The following DKK2 variants were observed in gnomAD, a reference collection of about 807,000 sequenced individuals.
The protein encoded by DKK2 is dickkopf-related protein 2.
In DKK2, 11 loss-of-function variants were observed where a neutral mutation model predicts 28.1. That is an observed-to-expected ratio of 0.39 (90% CI 0.25 to 0.65). The LOEUF (loss-of-function observed/expected upper bound fraction) is 0.65. DKK2 is among the 30% of genes least tolerant of loss of function. The pLI is 0.47. For synonymous variants in DKK2, 135 were observed against 126.5 expected (o/e 1.07, Z -0.45); for missense variants, 326 against 335.5 (o/e 0.97, Z 0.22).
chr4:107,019,884 G>A (rs906574147), intron 1 of DKK2, among the ~76,000 whole-genome samples: 2 of 151,878 alleles, frequency 1.3e-5, no homozygotes, highest in African/African-American at 4.8e-5. Flanking sequence ...TGAATTATGT[G>A]TTCAGTGCTT....
chr4:107,000,864 C>T lies in DKK2; in HGVS notation c.222+34506G>A, dbSNP rs911977318. Among the ~76,000 whole-genome samples the T allele has an allele frequency of 5.9e-5, 9 of 152,168 alleles. 1 individual carries two copies. The highest frequency in any genetic ancestry group is 5.9e-4 in the Admixed American group (9 of 15,300). Reference sequence around the variant, plus strand: ...TACAACTAGGAAGTTTAGGTCCCTACCCTCAGAACTCATAAGAGTTGAGAC... The same window carrying T: ...TACAACTAGGAAGTTTAGGTCCCTATCCTCAGAACTCATAAGAGTTGAGAC... On this transcript the variant is annotated intron_variant, in intron 1 of 3. Transcript: ENST00000285311.
At chr4:106,926,731 G>A (rs1439803099) in intron 1 of DKK2, among the ~76,000 whole-genome samples, 1 of 151,988 alleles carries the variant, frequency 6.6e-6, no homozygotes, top group Non-Finnish European at 1.5e-5. Flanking sequence ...CTCTACCTAG[G>A]GGTATGTCCA....
At chr4:107,033,014 AG>A (rs1723897751) in intron 1 of DKK2, among the ~76,000 whole-genome samples, 1 of 152,198 alleles carries the variant, frequency 6.6e-6, no homozygotes, top group African/African-American at 2.4e-5. Context: ...AAGTATCCAA[AG>A]AATTATTCTT....
At chr4:107,031,295 G>GA (rs1285034185) in intron 1 of DKK2, among the ~76,000 whole-genome samples, 11 of 151,518 alleles carry the variant, frequency 7.3e-5, no homozygotes, top group African/African-American at 1.2e-4. Flanking sequence ...GCTGAGGTTA[G>GA]AAAAAAAAGT....
At position 107,035,723 on chromosome 4, in the gene DKK2, T is replaced by A; in HGVS notation, c.-132A>T. ...CAGATTGTGTTCCCTCAACCCTTCCTGGTTCGGGGACCCAGGACCCTATGA... is the reference window on the plus strand; with the variant it reads ...CAGATTGTGTTCCCTCAACCCTTCCAGGTTCGGGGACCCAGGACCCTATGA... On this transcript the variant is annotated 5_prime_UTR_variant, in exon 1 of 4. Transcript: ENST00000285311. The A allele has an allele frequency of 1.1e-6, 1 of 880,322 alleles. No homozygotes were observed. The highest frequency in any genetic ancestry group is 1.6e-5 in the South Asian group (1 of 61,620). 54.5% of individuals were successfully genotyped at this position (880,322 alleles called of 1,614,324 possible).
At chr4:106,969,178 G>T (rs1722825231) in intron 1 of DKK2, among the ~76,000 whole-genome samples, 1 of 151,666 alleles carries the variant, frequency 6.6e-6, no homozygotes, top group Non-Finnish European at 1.5e-5. Flanking sequence ...TTGATGCTGG[G>T]CTTCCTTTGC....
At chr4:106,960,380 A>G (rs993123223) in intron 1 of DKK2, among the ~76,000 whole-genome samples, 19 of 152,074 alleles carry the variant, frequency 1.2e-4, no homozygotes, top group African/African-American at 2.2e-4. Context: ...TGAGTAGACA[A>G]AGGCATACAG....
At chr4:107,023,490 T>C (rs1723725873) in intron 1 of DKK2, among the ~76,000 whole-genome samples, 2 of 151,972 alleles carry the variant, frequency 1.3e-5, no homozygotes, top group African/African-American at 2.4e-5. Flanking sequence ...AGAGGAGGAA[T>C]GGGTAAATAG....
At chr4:106,964,970 T>C (rs147943690) in intron 1 of DKK2, among the ~76,000 whole-genome samples, 17 of 147,214 alleles carry the variant, frequency 1.2e-4, no homozygotes, top group Admixed American at 3.4e-4. Context: ...TATAGATAGA[T>C]AGATAGATAG....
chr4:107,001,247 G>C (rs1723355670), intron 1 of DKK2, among the ~76,000 whole-genome samples: 1 of 152,102 alleles, frequency 6.6e-6, no homozygotes, highest in Admixed American at 6.6e-5. Context: ...AAGAGGCAAG[G>C]AAGGACCCTT....
At chr4:107,032,776 T>C (rs1029379351) in intron 1 of DKK2, among the ~76,000 whole-genome samples, 1 of 152,182 alleles carries the variant, frequency 6.6e-6, no homozygotes, top group African/African-American at 2.4e-5. Flanking sequence ...CATGATTAGC[T>C]AATTTGATTA....
intron 1 of DKK2, among the ~76,000 whole-genome samples, chr4:106,971,432 A>G (rs1247470871): frequency 6.6e-6 from 1 of 152,104 alleles, no homozygotes; most frequent in Non-Finnish European, 1.5e-5. Flanking sequence ...TGTAAGATTA[A>G]TGACACTCTA....
chr4:106,993,042 T>C (rs924291903), intron 1 of DKK2, among the ~76,000 whole-genome samples: 3 of 152,238 alleles, frequency 2.0e-5, no homozygotes, highest in African/African-American at 7.2e-5. Flanking sequence ...TTCATTTGAA[T>C]CAGAAACCAA....
rs1439242083 is a variant in DKK2, at chr4:106,936,268, T to TA, written c.223-10320dup. On this transcript the variant is annotated intron_variant, in intron 1 of 3. Coordinates refer to ENST00000285311, the MANE Select transcript of DKK2 (RefSeq NM_014421.3). Reference sequence around the variant, plus strand: ...AGAATAACCAATACAGAGAAGTGCTTAAAGGAGCTGATGGAGCTGAAAACC... The same window carrying TA: ...AGAATAACCAATACAGAGAAGTGCTTAAAAGGAGCTGATGGAGCTGAAAACC... 5.9e-5 allele frequency among the ~76,000 whole-genome samples: 9 copies of TA among 151,900 alleles called. 1 individual carries two copies. Among genetic ancestry groups the TA allele is most frequent in the Admixed American group, 5.9e-4 (9 of 15,288 alleles).
chr4:106,982,738 G>A (rs370953608), intron 1 of DKK2, among the ~76,000 whole-genome samples: 27 of 152,072 alleles, frequency 1.8e-4, no homozygotes, highest in African/African-American at 5.5e-4. Flanking sequence ...GAGAGAGAGA[G>A]AGAAATGCAC....
chr4:107,022,787 G>GT (rs925803175), intron 1 of DKK2, among the ~76,000 whole-genome samples: 2 of 152,040 alleles, frequency 1.3e-5, no homozygotes, highest in African/African-American at 4.8e-5. Context: ...CAATAAACCA[G>GT]TAAAAAAGGA....
intron 1 of DKK2, among the ~76,000 whole-genome samples, chr4:107,023,302 T>C (rs1323993897): frequency 2.0e-5 from 3 of 152,088 alleles, no homozygotes; most frequent in Non-Finnish European, 4.4e-5. Context: ...TGGAAAACGA[T>C]TTTAGCTTAT....
intron 1 of DKK2, among the ~76,000 whole-genome samples, chr4:106,965,702 G>A (rs1191572587): frequency 5.5e-5 from 8 of 146,700 alleles, no homozygotes; most frequent in South Asian, 2.2e-4. Context: ...CCACTAACTC[G>A]TCATCTAGCA....
At chr4:106,953,682 G>C (rs74472963) in intron 1 of DKK2, among the ~76,000 whole-genome samples, 3,796 of 152,268 alleles carry the variant, frequency 0.025, 62 homozygotes, top group Non-Finnish European at 0.037. Context: ...GAGACAATCT[G>C]TGGGATTCAG....
Sources: allele counts gnomAD v4.1 joint callset (sites outside exome capture counted in the v4.1 genomes callset), GRCh38; gene constraint gnomAD v4.1.1; transcripts MANE v1.5; gene names NCBI Gene and HGNC (gene_info 2026-07-23, HGNC 2026-07-21).